MPPED2: variants seen among roughly 807,000 people sequenced by gnomAD.
MPPED2 encodes the protein metallophosphoesterase domain containing 2.
A neutral mutation model predicts 33.0 loss-of-function variants in MPPED2; 5 were observed. That is an observed-to-expected ratio of 0.15 (90% CI 0.08 to 0.32). MPPED2 has a LOEUF of 0.32. MPPED2 is among the 10% of genes least tolerant of loss of function. The probability of loss-of-function intolerance (pLI) is 1.00; values close to 1 mark genes in which losing one functional copy is unlikely to be tolerated. For synonymous variants in MPPED2, 136 were observed against 141.9 expected, an observed-to-expected ratio of 0.96 and a Z score of 0.29; for missense variants, 275 against 372.1, an observed-to-expected ratio of 0.74 and a Z score of 2.15.
chr11:30,578,957 C>T, intron 2 of MPPED2, among the ~76,000 whole-genome samples: 1 of 149,678 alleles, frequency 6.7e-6, no homozygotes. Context: ...GTATAAAGTT[C>T]TTTCAAATAG....
chr11:30,460,229 CTT>C (rs1264738180), intron 4 of MPPED2, among the ~76,000 whole-genome samples: 1 of 152,142 alleles, frequency 6.6e-6, no homozygotes, highest in African/African-American at 2.4e-5. Flanking sequence ...CTTTTTTCTT[CTT>C]GTCTTCTTTT....
intron 4 of MPPED2, among the ~76,000 whole-genome samples, chr11:30,482,816 CT>C (rs1463971104): frequency 6.6e-6 from 1 of 152,172 alleles, no homozygotes; most frequent in Non-Finnish European, 1.5e-5. Context: ...ACTGTTAAGC[CT>C]GTGGTTTACA....
intron 4 of MPPED2, among the ~76,000 whole-genome samples, chr11:30,420,942 A>C (rs746846160): frequency 2.0e-4 from 30 of 152,306 alleles, no homozygotes; most frequent in African/African-American, 7.2e-4. Context: ...TCGAAACCCA[A>C]TGAAAACTCA....
intron 3 of MPPED2, among the ~76,000 whole-genome samples, chr11:30,514,166 G>T (rs1953387094): frequency 6.6e-6 from 1 of 152,152 alleles, no homozygotes; most frequent in African/African-American, 2.4e-5. Context: ...ATAGACCCAG[G>T]TGAGGGTATC....
intron 3 of MPPED2, among the ~76,000 whole-genome samples, chr11:30,514,382 G>A (rs1265903864): frequency 6.6e-6 from 1 of 152,092 alleles, no homozygotes; most frequent in Non-Finnish European, 1.5e-5. Context: ...CTGGAACTTC[G>A]GCAGCAGTCA....
At chr11:30,581,333 T>C (rs1035531606) in intron 1 of MPPED2, among the ~76,000 whole-genome samples, 4 of 152,228 alleles carry the variant, frequency 2.6e-5, no homozygotes, top group African/African-American at 9.6e-5. Context: ...TTTCCATTAG[T>C]TCTGATTTTT....
At chr11:30,531,034 T>C (rs1005332296) in intron 3 of MPPED2, among the ~76,000 whole-genome samples, 4 of 152,202 alleles carry the variant, frequency 2.6e-5, no homozygotes, top group Admixed American at 2.0e-4. Context: ...TTGGTATGCA[T>C]TTTTGCTAAG....
chr11:30,451,402 T>C (rs1006509627), intron 4 of MPPED2, among the ~76,000 whole-genome samples: 2 of 152,210 alleles, frequency 1.3e-5, no homozygotes, highest in African/African-American at 4.8e-5. Context: ...CCCTGCAGTT[T>C]GAAGTGAGAG....
intron 3 of MPPED2, among the ~76,000 whole-genome samples, chr11:30,514,576 C>T (rs942309191): frequency 6.6e-6 from 1 of 152,014 alleles, no homozygotes; most frequent in Non-Finnish European, 1.5e-5. Context: ...CAGTCAAAAG[C>T]CTCCTAACTG....
Position 30,495,328 on chromosome 11 carries a change from T to C in MPPED2, c.504A>G (p.Thr168=), listed in dbSNP as rs1269848982. The C allele has an allele frequency of 6.2e-7, 1 of 1,614,006 alleles. No homozygotes were observed. Among genetic ancestry groups the C allele is most frequent in the Non-Finnish European group, 8.5e-7 (1 of 1,179,860 alleles). The part of the protein sequence containing the change: ...NSIYLQDSEV[T]VKGFRIYGAP... ...CACCGTATATCCTGAATCCCTTCACTGTTACCTCCGAATCTTGTAAGTAAA... is the reference window on the plus strand; with the variant it reads ...CACCGTATATCCTGAATCCCTTCACCGTTACCTCCGAATCTTGTAAGTAAA... Residue 168 remains threonine (T), a synonymous_variant, in exon 4 of 7, where the codon ACA becomes ACG. Transcript: ENST00000358117.
At chr11:30,493,174 G>C (rs1023203146) in intron 4 of MPPED2, among the ~76,000 whole-genome samples, 5 of 152,016 alleles carry the variant, frequency 3.3e-5, no homozygotes, top group African/African-American at 9.7e-5. Context: ...ACGAGGTCAG[G>C]AGATCGAGAC....
At chr11:30,480,413 A>C (rs1317515526) in intron 4 of MPPED2, among the ~76,000 whole-genome samples, 2 of 152,038 alleles carry the variant, frequency 1.3e-5, no homozygotes, top group Non-Finnish European at 2.9e-5. Context: ...AATAATTACC[A>C]TCGCCGTGAC....
chr11:30,422,138 G>C (rs1425730817), intron 4 of MPPED2, among the ~76,000 whole-genome samples: 2 of 152,228 alleles, frequency 1.3e-5, no homozygotes, highest in Non-Finnish European at 2.9e-5. Context: ...CAATGAATGA[G>C]AGTGGACTCA....
chr11:30,569,207 A>G (rs1956585372), intron 2 of MPPED2, among the ~76,000 whole-genome samples: 1 of 152,108 alleles, frequency 6.6e-6, no homozygotes, highest in African/African-American at 2.4e-5. Context: ...GAGGGGCACA[A>G]CGTGGAGCAA....
chr11:30,525,559 G>T (rs1954120650), intron 3 of MPPED2, among the ~76,000 whole-genome samples: 1 of 152,130 alleles, frequency 6.6e-6, no homozygotes, highest in South Asian at 2.1e-4. Flanking sequence ...TTAGGAGATG[G>T]GGAGATTTCA....
chr11:30,453,353 T>C (rs1438277607), intron 4 of MPPED2, among the ~76,000 whole-genome samples: 2 of 152,208 alleles, frequency 1.3e-5, no homozygotes, highest in African/African-American at 2.4e-5. Context: ...TCTCAAGCTA[T>C]CCTTCAATTT....
At chr11:30,502,618 A>C (rs1952622474) in intron 3 of MPPED2, among the ~76,000 whole-genome samples, 1 of 152,172 alleles carries the variant, frequency 6.6e-6, no homozygotes, top group Non-Finnish European at 1.5e-5. Flanking sequence ...TGTTGCTACA[A>C]TTATGAGGAT....
intron 4 of MPPED2, among the ~76,000 whole-genome samples, chr11:30,461,977 T>C (rs1276606826): frequency 6.6e-6 from 1 of 152,220 alleles, no homozygotes; most frequent in Non-Finnish European, 1.5e-5. Flanking sequence ...AACTTATCAA[T>C]TGTAAGTTAG....
chr11:30,508,861 T>C (rs1565137787), intron 3 of MPPED2, among the ~76,000 whole-genome samples: 1 of 152,194 alleles, frequency 6.6e-6, no homozygotes, highest in Non-Finnish European at 1.5e-5. Context: ...TGAGGATTTG[T>C]CTAACGAGTT....
Sources: allele counts gnomAD v4.1 joint callset (sites outside exome capture counted in the v4.1 genomes callset), GRCh38; gene constraint gnomAD v4.1.1; transcripts MANE v1.5; gene names NCBI Gene and HGNC (gene_info 2026-07-23, HGNC 2026-07-21).